The following MYBL2 variants were observed in gnomAD, a reference collection of about 807,000 sequenced individuals.
The protein encoded by MYBL2 is myb-related protein B.
MYBL2 carries 28 observed loss-of-function variants against 79.9 expected under a neutral mutation model. The ratio of observed to expected loss-of-function variants is 0.35; its 90% CI spans 0.26 to 0.48. The LOEUF (loss-of-function observed/expected upper bound fraction) is 0.48, where lower values mean the gene tolerates loss of function less well. Among genes scored for constraint, MYBL2 ranks in the 20% least tolerant of loss-of-function variants. The probability of loss-of-function intolerance (pLI) is 0.99; values close to 1 mark genes in which losing one functional copy is unlikely to be tolerated. For synonymous variants in MYBL2, 378 were observed against 361.2 expected (o/e 1.05, Z -0.53); for missense variants, 735 against 893.9 (o/e 0.82, Z 2.27).
chr20:43,700,502 C>T (rs541715304), intron 7 of MYBL2, among the ~76,000 whole-genome samples: 3 of 152,106 alleles, frequency 2.0e-5, no homozygotes, highest in East Asian at 3.9e-4. Context: ...CCATTGAGCC[C>T]GTGTTGTGGT....
Position 43,707,199 on chromosome 20 carries a change from A to G in MYBL2, c.1505+1841A>G, listed in dbSNP as rs1180836000. On this transcript the variant is annotated intron_variant, in intron 9 of 13. Transcript: ENST00000217026. The stretch of plus-strand genomic sequence containing the variant: ...CTTTCTAGTTTTTTTTTTTTTTAAA[A>G]AAAAAAGAGAAAAAAGAAATCAGTC... 1.3e-5 allele frequency among the ~76,000 whole-genome samples: 2 copies of G among 151,262 alleles called. 1 individual carries two copies. The highest frequency in any genetic ancestry group is 3.9e-4 in the East Asian group (2 of 5,112).
intron 6 of MYBL2, among the ~76,000 whole-genome samples, chr20:43,694,885 A>G (rs1987497780): frequency 6.6e-6 from 1 of 152,208 alleles, no homozygotes; most frequent in Admixed American, 6.5e-5. Context: ...CATAGGACAG[A>G]GTGAACAGAT....
intron 9 of MYBL2, among the ~76,000 whole-genome samples, chr20:43,709,757 C>G (rs1987864559): frequency 6.6e-6 from 1 of 152,206 alleles, no homozygotes; most frequent in Non-Finnish European, 1.5e-5. Context: ...TGCCACCTGT[C>G]TGGGGCTCCT....
intron 9 of MYBL2, among the ~76,000 whole-genome samples, chr20:43,707,078 G>T (rs766622724): frequency 6.6e-6 from 1 of 151,648 alleles, no homozygotes; most frequent in Non-Finnish European, 1.5e-5. Flanking sequence ...TACTCGGGAG[G>T]CTGAAGTGGG....
chr20:43,710,805 G>A (rs970622147), intron 10 of MYBL2, among the ~76,000 whole-genome samples: 1 of 152,186 alleles, frequency 6.6e-6, no homozygotes, highest in Non-Finnish European at 1.5e-5. Flanking sequence ...TGCTACATGA[G>A]CCGAGGTGAG....
At chr20:43,712,223 G>A (rs543540316) in intron 11 of MYBL2, among the ~76,000 whole-genome samples, 2 of 152,256 alleles carry the variant, frequency 1.3e-5, no homozygotes, top group South Asian at 2.1e-4. Context: ...ATGACAGTGC[G>A]CGATCCCTTC....
intron 2 of MYBL2, among the ~76,000 whole-genome samples, chr20:43,678,951 A>T (rs112724071): frequency 6.6e-6 from 1 of 151,530 alleles, no homozygotes; most frequent in African/African-American, 2.4e-5. Context: ...GTGCCAGGCA[A>T]GCAAGAGGTG....
rs779384831 is a variant in MYBL2, at chr20:43,702,492, C to T, written c.954C>T (p.Asp318=). The T allele has an allele frequency of 3.1e-6, 5 of 1,595,166 alleles. No individual in the cohort carries two copies. The Admixed American group carries it at 8.4e-5, about 27-fold the overall frequency. The stretch of plus-strand genomic sequence containing the variant: ...TCCTAACCTCCCTCCCTGGACAGGA[C>T]CCTGATGCTTGGTGTGACCTGAGTA... The part of the protein sequence containing the change: ...LSEALDLIES[D]PDAWCDLSKF... The change falls in exon 8 of 14, where the codon GAC becomes GAT. Residue 318 remains aspartate (D), a splice_region_variant and synonymous_variant. Coordinates refer to ENST00000217026, the MANE Select transcript of MYBL2 (RefSeq NM_002466.4).
rs1458392577 is a variant in MYBL2, at chr20:43,705,242, G to A, written c.1389G>A (p.Gln463=). ...PSQFLNFWNK[Q]DTLELESPSL... is the part of the protein sequence containing the mutation. ...AGTTTCTGAACTTCTGGAACAAACA[G>A]GACACATTGGAGCTGGAGAGCCCCT... The change falls in exon 9 of 14, where the codon CAG becomes CAA. Residue 463 remains glutamine, a synonymous_variant. Transcript: ENST00000217026. 1.9e-6 allele frequency: 3 copies of A among 1,613,926 alleles called. No individual in the cohort carries two copies. Among genetic ancestry groups the A allele is most frequent in the Non-Finnish European group, 2.5e-6 (3 of 1,179,980 alleles).
chr20:43,688,713 G>A (rs1987336220), intron 5 of MYBL2, among the ~76,000 whole-genome samples: 1 of 152,160 alleles, frequency 6.6e-6, no homozygotes, highest in Non-Finnish European at 1.5e-5. Flanking sequence ...AAAGTGCTGG[G>A]ATTACAGGCA....
intron 3 of MYBL2, among the ~76,000 whole-genome samples, 166 bp downstream of exon 3, chr20:43,682,021 C>A (rs1292409826): frequency 6.6e-6 from 1 of 152,232 alleles, no homozygotes; most frequent in East Asian, 1.9e-4. Context: ...TCTCTCTTCC[C>A]AAGCTGGCAT....
rs562781145 is a variant in MYBL2, at chr20:43,711,857, G to A, written c.1719+256G>A. Among the ~76,000 whole-genome samples the A allele has an allele frequency of 2.0e-5, 3 of 152,302 alleles. No individual in the cohort carries two copies. The South Asian group carries it at 6.2e-4, about 32-fold the overall frequency. ...TTGTGTTCGGACCCTGCTCAAGTTG[G>A]GCTGGGCTGGATGTGGTGGATGGAG... On this transcript the variant is annotated intron_variant, in intron 11 of 13. Transcript: ENST00000217026.
At chr20:43,699,425 T>C (rs1210303749) in intron 6 of MYBL2, among the ~76,000 whole-genome samples, 1 of 152,198 alleles carries the variant, frequency 6.6e-6, no homozygotes, top group Non-Finnish European at 1.5e-5. Context: ...GCCATTTGCT[T>C]ACATAACCAC....
chr20:43,686,625 A>G (rs1164636371), intron 4 of MYBL2, among the ~76,000 whole-genome samples: 4 of 152,136 alleles, frequency 2.6e-5, no homozygotes, highest in Non-Finnish European at 1.5e-5. Context: ...GCCTAGATTT[A>G]TTCCAGGCAA....
Position 43,700,041 on chromosome 20 carries a change from G to C in MYBL2, c.948G>C (p.Glu316Asp). ...TCTCTGAAGCCCTGGACTTGATCGA[G>C]TCGGTATGTTGGTCACAACACTTCA... is the stretch of plus-strand genomic sequence containing the variant. Reference protein sequence around the residue: ...SSLSEALDLIESDPDAWCDLS... With the variant: ...SSLSEALDLIDSDPDAWCDLS... The change falls in exon 7 of 14, where the codon GAG (glutamate) becomes GAC (aspartate). Residue 316 changes from glutamate to aspartate, a missense_variant. Physicochemically the swap from Glu to Asp is conservative, Grantham distance 45 (BLOSUM62 2). Transcript: ENST00000217026. 6.2e-7 allele frequency: 1 copy of C among 1,613,358 alleles called. No individual in the cohort carries two copies. Among genetic ancestry groups the C allele is most frequent in the South Asian group, 1.1e-5 (1 of 91,074 alleles).
intron 9 of MYBL2, among the ~76,000 whole-genome samples, chr20:43,707,191 T>G (rs1987810541): frequency 6.6e-6 from 1 of 151,098 alleles, no homozygotes; most frequent in Non-Finnish European, 1.5e-5. Flanking sequence ...GTTTTTTTTT[T>G]TTTTAAAAAA....
intron 12 of MYBL2, among the ~76,000 whole-genome samples, chr20:43,714,761 G>A (rs944246403): frequency 2.0e-4 from 31 of 152,130 alleles, no homozygotes; most frequent in African/African-American, 7.5e-4. Flanking sequence ...CTCCCAAGTA[G>A]CTGGGACAAC....
At chr20:43,674,050 C>G in intron 2 of MYBL2, 151 bp downstream of exon 2, 1 of 714,708 alleles carries the variant, frequency 1.4e-6, no homozygotes, top group Non-Finnish European at 2.4e-6. Context: ...CATGCCTCTT[C>G]TCAGAGCATT....
At chr20:43,700,250 A>G (rs930997434) in intron 7 of MYBL2, among the ~76,000 whole-genome samples, 2 of 152,186 alleles carry the variant, frequency 1.3e-5, no homozygotes, top group African/African-American at 4.8e-5. Context: ...CGGTGTGTGC[A>G]GCAGGAGTTT....
Sources: gnomAD v4.1 joint callset for allele counts (sites outside exome capture counted in the v4.1 genomes callset) on GRCh38, gnomAD v4.1.1 for gene constraint, MANE v1.5 for transcripts, NCBI Gene and HGNC (gene_info 2026-07-23, HGNC 2026-07-21) for gene names.